The following FBXL7 variants were observed in gnomAD, a reference collection of about 807,000 sequenced individuals.
FBXL7 encodes the protein F-box/LRR-repeat protein 7.
Under a neutral mutation model 38.3 loss-of-function variants are expected in FBXL7, and 12 were observed. The observed-to-expected ratio is 0.31, with a 90% confidence interval of 0.20 to 0.51. The LOEUF (loss-of-function observed/expected upper bound fraction) is 0.51, where lower values mean the gene tolerates loss of function less well. Among genes scored for constraint, FBXL7 ranks in the 20% least tolerant of loss-of-function variants. The pLI, the probability that FBXL7 is intolerant of heterozygous loss-of-function variation, is 0.98. For synonymous variants in FBXL7, 297 were observed against 300.9 expected (o/e 0.99, Z 0.13); for missense variants, 567 against 676.4 (o/e 0.84, Z 1.79).
chr5:15,566,283 C>T (rs551833294), intron 1 of FBXL7, among the ~76,000 whole-genome samples: 1 of 152,272 alleles, frequency 6.6e-6, no homozygotes, highest in African/African-American at 2.4e-5. Context: ...TTTCCCCGGC[C>T]TGTGCTCCGC....
At chr5:15,683,597 A>C (rs1455470460) in intron 2 of FBXL7, among the ~76,000 whole-genome samples, 1 of 152,238 alleles carries the variant, frequency 6.6e-6, no homozygotes, top group Admixed American at 6.5e-5. Context: ...TTTATTTCAC[A>C]ATAGACTTCC....
intron 3 of FBXL7, among the ~76,000 whole-genome samples, chr5:15,934,220 G>A (rs1360106031): frequency 1.3e-5 from 2 of 152,166 alleles, no homozygotes; most frequent in African/African-American, 4.8e-5. Flanking sequence ...GCCCAGGCTA[G>A]TCTTGAACTC....
chr5:15,915,352 G>A (rs1370751169), intron 2 of FBXL7, among the ~76,000 whole-genome samples: 3 of 152,176 alleles, frequency 2.0e-5, no homozygotes, highest in African/African-American at 4.8e-5. Flanking sequence ...ACAGAGATGT[G>A]GAGTAGGATC....
intron 1 of FBXL7, among the ~76,000 whole-genome samples, chr5:15,563,851 A>C (rs949511765): frequency 6.6e-6 from 1 of 152,062 alleles, no homozygotes; most frequent in Non-Finnish European, 1.5e-5. Flanking sequence ...CTGGGCTGAA[A>C]TACTGTTGAA....
At chr5:15,913,749 C>A (rs997576681) in intron 2 of FBXL7, among the ~76,000 whole-genome samples, 1 of 152,060 alleles carries the variant, frequency 6.6e-6, no homozygotes, top group Non-Finnish European at 1.5e-5. Flanking sequence ...GGATTGCAAG[C>A]CTTTGCATGA....
chr5:15,923,321 C>T (rs538044786), intron 2 of FBXL7, among the ~76,000 whole-genome samples: 256 of 152,276 alleles, frequency 1.7e-3, no homozygotes, highest in African/African-American at 5.7e-3. Flanking sequence ...AAATATACTA[C>T]TTAGGAGATA....
intron 2 of FBXL7, among the ~76,000 whole-genome samples, chr5:15,774,637 C>G (rs895003000): frequency 6.6e-6 from 1 of 152,124 alleles, no homozygotes; most frequent in African/African-American, 2.4e-5. Flanking sequence ...TAAGGGTGTG[C>G]CACTTTAATG....
chr5:15,652,141 G>A (rs2126571524), intron 2 of FBXL7, among the ~76,000 whole-genome samples: 1 of 152,298 alleles, frequency 6.6e-6, no homozygotes, highest in African/African-American at 2.4e-5. Flanking sequence ...TTTAGCTTAA[G>A]GGAATGTTAA....
At chr5:15,563,469 GC>G (rs1738474827) in intron 1 of FBXL7, among the ~76,000 whole-genome samples, 1 of 152,104 alleles carries the variant, frequency 6.6e-6, no homozygotes, top group Admixed American at 6.6e-5. Flanking sequence ...AACCACTGGG[GC>G]TGCTAAAGCG....
intron 2 of FBXL7, among the ~76,000 whole-genome samples, chr5:15,758,120 C>T (rs1259440450): frequency 6.6e-6 from 1 of 151,962 alleles, no homozygotes; most frequent in East Asian, 1.9e-4. Context: ...TCCCATTTTT[C>T]CAAAGACTGG....
In FBXL7 at chr5:15,628,697, A is replaced by G. The variant is rs1580418798; in HGVS notation, c.127+12625A>G. On this transcript the variant is annotated intron_variant, in intron 2 of 3. Coordinates refer to ENST00000504595, the MANE Select transcript of FBXL7 (RefSeq NM_012304.5). ...TCCATCATATATAGCAGTATTTTCT[A>G]TAACATTAATTTATGCACTGTATAT... Among the ~76,000 whole-genome samples, 4 of 152,176 alleles carry G rather than the reference A, an allele frequency of 2.6e-5. No individual in the cohort carries two copies. The East Asian group carries it at 5.8e-4, about 22-fold the overall frequency.
intron 2 of FBXL7, among the ~76,000 whole-genome samples, chr5:15,812,950 G>C (rs1455297233): frequency 6.6e-6 from 1 of 151,996 alleles, no homozygotes; most frequent in Non-Finnish European, 1.5e-5. Flanking sequence ...TTGGTGTATA[G>C]GAATGCTTGT....
intron 1 of FBXL7, among the ~76,000 whole-genome samples, chr5:15,546,892 A>G (rs1737913910): frequency 6.6e-6 from 1 of 152,182 alleles, no homozygotes; most frequent in Non-Finnish European, 1.5e-5. Flanking sequence ...GGGAGAGTGC[A>G]TAGAGGCCTG....
At chr5:15,786,478 C>T (rs932462654) in intron 2 of FBXL7, among the ~76,000 whole-genome samples, 5 of 152,070 alleles carry the variant, frequency 3.3e-5, no homozygotes, top group African/African-American at 1.2e-4. Flanking sequence ...GCAGAAATGT[C>T]CTGAGAGTAT....
intron 1 of FBXL7, among the ~76,000 whole-genome samples, chr5:15,506,320 T>C (rs1736649994): frequency 3.3e-5 from 5 of 151,882 alleles, no homozygotes. Flanking sequence ...GGGCAGGAAG[T>C]GTCTACAGTG....
chr5:15,924,801 A>T (rs1741839712), intron 2 of FBXL7, among the ~76,000 whole-genome samples: 1 of 152,092 alleles, frequency 6.6e-6, no homozygotes, highest in Middle Eastern at 3.4e-3. Context: ...TAATTTTTGT[A>T]TTTTTAGTAG....
chr5:15,616,420 G>T (rs1740455842), intron 2 of FBXL7, among the ~76,000 whole-genome samples: 1 of 152,178 alleles, frequency 6.6e-6, no homozygotes, highest in Non-Finnish European at 1.5e-5. Flanking sequence ...GTAGTTGAAT[G>T]TTCCTGGAGG....
chr5:15,595,623 G>A (rs1202050704), intron 1 of FBXL7, among the ~76,000 whole-genome samples: 1 of 152,244 alleles, frequency 6.6e-6, no homozygotes, highest in African/African-American at 2.4e-5. Context: ...TTCCAACTAG[G>A]TGCTTTACAT....
chr5:15,876,788 G>GCAATTA lies in FBXL7; in HGVS notation c.128-51102_128-51101insCAATTA, dbSNP rs1194539777. Among the ~76,000 whole-genome samples, 8 of 152,260 alleles carry GCAATTA rather than the reference G, an allele frequency of 5.3e-5. No homozygotes were observed. In the East Asian group the frequency reaches 1.4e-3, roughly 26 times the overall value. ...ATAAGCAATTAGAAAACTAAAGTCA[G>GCAATTA]GTAATGCCTTTTAGAAAGTATTTTC... is the stretch of plus-strand genomic sequence containing the variant. On this transcript the variant is annotated intron_variant, in intron 2 of 3. Transcript: ENST00000504595.
Sources: gnomAD v4.1 joint callset for allele counts (sites outside exome capture counted in the v4.1 genomes callset) on GRCh38, gnomAD v4.1.1 for gene constraint, MANE v1.5 for transcripts, NCBI Gene and HGNC (gene_info 2026-07-23, HGNC 2026-07-21) for gene names.